The following ARFGEF1 variants were observed in gnomAD, a reference collection of about 807,000 sequenced individuals.
ARFGEF1 encodes the protein ARF guanine nucleotide exchange factor 1.
ARFGEF1 carries 42 observed loss-of-function variants against 231.0 expected under a neutral mutation model. The observed-to-expected ratio is 0.18, with a 90% CI of 0.14 to 0.24. ARFGEF1 has a LOEUF of 0.24. Among genes scored for constraint, ARFGEF1 ranks in the 10% least tolerant of loss-of-function variants. ARFGEF1 has a pLI of 1.00. For missense variants in ARFGEF1, 1,345 were observed against 2,192.0 expected (o/e 0.61, Z 7.72); for synonymous variants, 710 against 732.3 (o/e 0.97, Z 0.49).
Position 67,238,844 on chromosome 8 carries a change from G to T in ARFGEF1, c.3029C>A (p.Thr1010Lys). 6.2e-7 allele frequency: 1 copy of T among 1,613,616 alleles called. No individual in the cohort carries two copies. Among genetic ancestry groups the T allele is most frequent in the African/African-American group, 1.3e-5 (1 of 74,990 alleles). Residue 1010 changes from threonine to lysine, a missense_variant, in exon 21 of 39, where the codon ACA becomes AAA. By Grantham distance (78) the Thr-to-Lys change is moderately conservative. Around this residue, in one of 14 missense-constraint regions of ARFGEF1, gnomAD observed 146 missense variants for 321.4 expected, o/e 0.45. Coordinates refer to ENST00000262215, the MANE Select transcript of ARFGEF1 (RefSeq NM_006421.5). Reference sequence around the variant, plus strand: ...CATTTCAGTAATACCGGAACTCACTGTGAGTAAGGTAAATCTTGCTAGTGC... The same window carrying T: ...CATTTCAGTAATACCGGAACTCACTTTGAGTAAGGTAAATCTTGCTAGTGC... ...VQALARFTLLTVSSGITEMKQ... is the reference protein window; with the variant it reads ...VQALARFTLLKVSSGITEMKQ...
rs1032082281 is a variant in ARFGEF1 at position 67,215,221 on chromosome 8, G to A, written c.4686+1369C>T. Among the ~76,000 whole-genome samples the A allele has an allele frequency of 1.2e-4, 19 of 152,186 alleles. No homozygotes were observed. The East Asian group carries it at 2.1e-3, about 17-fold the overall frequency. ...TGTCATCCATCCTTAATGCAGATGC[G>A]GATGATCAGATTAGGGACTTTTGAT... On this transcript the variant is annotated intron_variant, in intron 33 of 38. Transcript: ENST00000262215.
intron 1 of ARFGEF1, among the ~76,000 whole-genome samples, chr8:67,337,662 C>A (rs1264830700): frequency 1.3e-5 from 2 of 151,604 alleles, no homozygotes; most frequent in African/African-American, 4.8e-5. Context: ...GTTTCTATTT[C>A]ATCCAAGTAT....
At chr8:67,262,226 C>T (rs563175629) in intron 14 of ARFGEF1, among the ~76,000 whole-genome samples, 1 of 152,320 alleles carries the variant, frequency 6.6e-6, no homozygotes, top group South Asian at 2.1e-4. Context: ...GAAGCTGATT[C>T]TAACCCTTAT....
chr8:67,318,110 G>A (rs28862291), intron 1 of ARFGEF1, among the ~76,000 whole-genome samples: 3,093 of 151,490 alleles, frequency 0.02, 50 homozygotes, highest in Non-Finnish European at 0.033. Context: ...GGTGGCGGGC[G>A]CCTATAGTCC....
At chr8:67,266,761 C>T (rs1378999) in intron 13 of ARFGEF1, 115 bp downstream of exon 13, 11,997 of 672,352 alleles carry the variant, frequency 0.018, 340 homozygotes, top group South Asian at 0.045. Flanking sequence ...AATGTTTCCT[C>T]ATCAGTTAAA....
Position 67,296,590 on chromosome 8 carries a change from T to A in ARFGEF1, c.480A>T (p.Thr160=), listed in dbSNP as rs187450856. The change falls in exon 5 of 39, where the codon ACA becomes ACT. Residue 160 remains threonine, a synonymous_variant. Coordinates refer to ENST00000262215, the MANE Select transcript of ARFGEF1 (RefSeq NM_006421.5). ...CTTCATGAATTTCTATGTGTTGTGA[T>A]GTTACTGCAGTAAGTAAAGCCTTTA... ...QIIKALLTAV[T]SQHIEIHEGT... The A allele has an allele frequency of 1.7e-5, 27 of 1,611,650 alleles. No individual in the cohort carries two copies. The East Asian group carries it at 2.9e-4, about 17-fold the overall frequency.
At chr8:67,243,671 T>C (rs1265252429) in intron 19 of ARFGEF1, among the ~76,000 whole-genome samples, 1 of 152,142 alleles carries the variant, frequency 6.6e-6, no homozygotes, top group Non-Finnish European at 1.5e-5. Flanking sequence ...CTGAGAAGAC[T>C]ACAATAAACA....
chr8:67,204,587 C>A (rs1838446452), intron 35 of ARFGEF1, 93 bp downstream of exon 35: 1 of 1,414,038 alleles, frequency 7.1e-7, no homozygotes, highest in Non-Finnish European at 9.5e-7. Flanking sequence ...GAAGGCCCCA[C>A]AAACTAATTC....
At chr8:67,227,698 T>G in intron 25 of ARFGEF1, 100 bp from the exon 26 acceptor site, 1 of 1,289,860 alleles carries the variant, frequency 7.8e-7, no homozygotes, top group Non-Finnish European at 1.1e-6. Context: ...ATAGCATAGA[T>G]AGGTAAATCC....
chr8:67,218,207 A>AAAAAT lies in ARFGEF1; in HGVS notation c.4339-70_4339-69insATTTT, dbSNP rs1491555936. 318 of 91,334 alleles carry AAAAAT rather than the reference A, an allele frequency of 3.5e-3. 3 individuals carry two copies. Among genetic ancestry groups the AAAAAT allele is most frequent in the East Asian group, 8.3e-3 (27 of 3,260 alleles). The allele number at this position is 91,334 out of a possible 1,614,324, so 5.7% of individuals were successfully genotyped here. A position where few individuals can be genotyped will look rare whatever the true frequency, so the allele number is the denominator to read the frequency against. On this transcript the variant is annotated intron_variant, in intron 30 of 38. Coordinates refer to ENST00000262215, the MANE Select transcript of ARFGEF1 (RefSeq NM_006421.5). ...TACTATGATTAAAAAAAAAAAAAAA[A>AAAAAT]ATATATATATATATATATATATATA...
chr8:67,257,372 C>T (rs961165814), intron 17 of ARFGEF1, among the ~76,000 whole-genome samples: 1 of 152,252 alleles, frequency 6.6e-6, no homozygotes, highest in South Asian at 2.1e-4. Context: ...TTAGGTACCA[C>T]GCCTGGCCTG....
chr8:67,333,102 C>A (rs575121724), intron 1 of ARFGEF1, among the ~76,000 whole-genome samples: 3 of 149,572 alleles, frequency 2.0e-5, no homozygotes, highest in Admixed American at 1.3e-4. Flanking sequence ...GTGGCGCAAT[C>A]TCAGCTTACT....
At chr8:67,335,425 T>C (rs1347196021) in intron 1 of ARFGEF1, among the ~76,000 whole-genome samples, 1 of 151,988 alleles carries the variant, frequency 6.6e-6, no homozygotes, top group Non-Finnish European at 1.5e-5. Context: ...GTAAATTTTA[T>C]TGTTGTAGTT....
chr8:67,284,754 G>C (rs1805680962), intron 7 of ARFGEF1, among the ~76,000 whole-genome samples: 1 of 152,134 alleles, frequency 6.6e-6, no homozygotes, highest in Non-Finnish European at 1.5e-5. Context: ...CTATCCACTG[G>C]AAGGGCCTGC....
intron 1 of ARFGEF1, among the ~76,000 whole-genome samples, chr8:67,341,893 T>C (rs1442340595): frequency 2.0e-5 from 3 of 152,138 alleles, no homozygotes; most frequent in African/African-American, 7.2e-5. Flanking sequence ...CCCCTAATAC[T>C]ACACATTCAA....
chr8:67,195,600 C>A, downstream of ARFGEF1: 1 of 1,612,524 alleles, frequency 6.2e-7, no homozygotes, highest in Non-Finnish European at 8.5e-7. Context: ...TTAAAATAAA[C>A]CTGTACTGGA....
At chr8:67,264,067 G>T (rs540958278) in intron 14 of ARFGEF1, among the ~76,000 whole-genome samples, 1 of 152,176 alleles carries the variant, frequency 6.6e-6, no homozygotes, top group South Asian at 2.1e-4. Flanking sequence ...GAGTCCAGCA[G>T]ATCCAAATCA....
At chr8:67,334,743 G>A (rs1418224299) in intron 1 of ARFGEF1, among the ~76,000 whole-genome samples, 7 of 152,204 alleles carry the variant, frequency 4.6e-5, no homozygotes, top group Admixed American at 4.6e-4. Flanking sequence ...GAAATGAAGT[G>A]TGGATACAAA....
Position 67,192,276 on chromosome 8 carries a change from T to C in ARFGEF1, c.560+8120A>G, listed in dbSNP as rs146781854. 2.0e-3 allele frequency among the ~76,000 whole-genome samples: 309 copies of C among 152,278 alleles called. 11 individuals carry two copies. The East Asian group carries it at 0.054, about 27-fold the overall frequency. On this transcript the variant is annotated intron_variant, in intron 5 of 5. Coordinates refer to the ARFGEF1 transcript ENST00000518789. ...TTTTAGTAGAGTTGGGGTTTCGCCA[T>C]GTTGGCCAGGCTGGTCTTGAACTCC...
Sources: gnomAD v4.1 joint callset for allele counts (sites outside exome capture counted in the v4.1 genomes callset) on GRCh38, gnomAD v4.1.1 for gene constraint, gnomAD v4.1.1 regional missense constraint, MANE v1.5 for transcripts, NCBI Gene and HGNC (gene_info 2026-07-23, HGNC 2026-07-21) for gene names.